Variants in TNNI1 observed in about 807,000 individuals in gnomAD.
The protein encoded by TNNI1 is troponin I, slow skeletal muscle.
TNNI1 carries 14 observed loss-of-function variants against 26.7 expected under a neutral mutation model. The ratio of observed to expected loss-of-function variants is 0.52; its 90% CI spans 0.35 to 0.82. The LOEUF (loss-of-function observed/expected upper bound fraction) is 0.82. Among genes scored for constraint, TNNI1 ranks in the 40% least tolerant of loss-of-function variants. The pLI is 0.01. For synonymous variants in TNNI1, 79 were observed against 98.2 expected, an observed-to-expected ratio of 0.80 and a Z score of 1.16; for missense variants, 164 against 257.0, an observed-to-expected ratio of 0.64 and a Z score of 2.47.
At chr1:201,418,821 G>T (rs950059070) in intron 1 of TNNI1, among the ~76,000 whole-genome samples, 2 of 152,064 alleles carry the variant, frequency 1.3e-5, no homozygotes, top group Admixed American at 1.3e-4. Context: ...AAATCAGTGA[G>T]TTTCCTCTTG....
chr1:201,413,517 G>T (rs996837110), intron 5 of TNNI1, among the ~76,000 whole-genome samples: 1 of 152,186 alleles, frequency 6.6e-6, no homozygotes, highest in African/African-American at 2.4e-5. Context: ...AGGCCAAGGT[G>T]GGGGATCACC....
intron 8 of TNNI1, 53 bp from the exon 9 acceptor site, chr1:201,409,303 C>T (rs1662590026): frequency 6.6e-6 from 1 of 152,266 alleles, no homozygotes; most frequent in Admixed American, 6.5e-5. Context: ...GTGTGCAGCG[C>T]ATGAATCCCT....
chr1:201,420,170 C>T (rs540274869), intron 1 of TNNI1, among the ~76,000 whole-genome samples: 76 of 152,320 alleles, frequency 5.0e-4, no homozygotes, highest in Admixed American at 1.6e-3. Flanking sequence ...CTTCCAAGGC[C>T]GGTTTACACC....
rs1662631246 is a variant in TNNI1 at position 201,411,305 on chromosome 1, G to A, written c.456+52C>T. ...CTGAGGCCATGTGAGGGGTTGACAA[G>A]GGGAAAGCTGGTAGGGCAGAGGGTG... On this transcript the variant is annotated intron_variant, in intron 7 of 8. Transcript: ENST00000361379. The surrounding 1 kb of genome is among the most constrained non-coding windows in gnomAD (Gnocchi z 4.6). The A allele has an allele frequency of 6.3e-7, 1 of 1,599,510 alleles. No individual in the cohort carries two copies. The highest frequency in any genetic ancestry group is 1.7e-5 in the Admixed American group (1 of 57,736).
rs934807234 is a variant in TNNI1, at chr1:201,404,058, C to T, written c.*5195G>A. 6.6e-6 allele frequency: 1 copy of T among 152,162 alleles called. No individual in the cohort carries two copies. The highest frequency in any genetic ancestry group is 2.4e-5 in the African/African-American group (1 of 41,412). 9.4% of individuals were successfully genotyped at this position (152,162 alleles called of 1,614,324 possible). ...GTTACTTCCTCCAGGGACATTCCAC[C>T]AGGCAGGGCTTAGCACAACTGGGAA... On this transcript the variant is annotated 3_prime_UTR_variant, in exon 9 of 9. Transcript: ENST00000361379.
chr1:201,409,991 A>T (rs1662601261), intron 8 of TNNI1: 1 of 194,734 alleles, frequency 5.1e-6, no homozygotes, highest in Non-Finnish European at 1.0e-5. Flanking sequence ...TTTCCAATTT[A>T]GTGGATCTGG....
At position 201,405,857 on chromosome 1, in the gene TNNI1, C is replaced by G. The variant is rs1298535509; in HGVS notation, c.*3396G>C. 1.3e-5 allele frequency: 2 copies of G among 152,450 alleles called. No homozygotes were observed. Among genetic ancestry groups the G allele is most frequent in the East Asian group, 3.8e-4 (2 of 5,198 alleles). The allele number at this position is 152,450 out of a possible 1,614,324, so 9.4% of individuals were successfully genotyped here. A position where few individuals can be genotyped will look rare whatever the true frequency, so the allele number is the denominator to read the frequency against. ...AAGCAGAGAGGAGCACCAGGCCCAT[C>G]TCCACCAGCTGCAGAGAGAGGGGGT... On this transcript the variant is annotated 3_prime_UTR_variant, in exon 9 of 9. Transcript: ENST00000361379.
rs893505523 is a variant in TNNI1 at position 201,404,869 on chromosome 1, C to G, written c.*4384G>C. ...CCCACGCATACACACCATGCTCACC[C>G]CTTCTGATGAACAGGCACAAGCGTT... On this transcript the variant is annotated 3_prime_UTR_variant, in exon 9 of 9. Transcript: ENST00000361379. 1 of 152,306 alleles carries G rather than the reference C, an allele frequency of 6.6e-6. No individual in the cohort carries two copies. Among genetic ancestry groups the G allele is most frequent in the Non-Finnish European group, 1.5e-5 (1 of 68,074 alleles). The allele number at this position is 152,306 out of a possible 1,614,324, so 9.4% of individuals were successfully genotyped here. A position where few individuals can be genotyped will look rare whatever the true frequency, so the allele number is the denominator to read the frequency against.
chr1:201,414,601 C>T lies in TNNI1; in HGVS notation c.106G>A (p.Glu36Lys), dbSNP rs1173154951. ...AKECWEQEHE[E>K]REAEKVRYLA... Reference sequence around the variant, plus strand: ...TAGCGCACCTTCTCAGCCTCGCGCTCCTCGTGCTCCTGCTCCCAGCATTCC... The same window carrying T: ...TAGCGCACCTTCTCAGCCTCGCGCTTCTCGTGCTCCTGCTCCCAGCATTCC... The change falls in exon 5 of 9, where the codon GAG (glutamate) becomes AAG (lysine). Residue 36 changes from glutamate to lysine, a missense_variant. By Grantham distance (56) the Glu-to-Lys change is moderately conservative (BLOSUM62 1). Transcript: ENST00000361379. The T allele has an allele frequency of 2.5e-6, 4 of 1,613,856 alleles. No homozygotes were observed. Among genetic ancestry groups the T allele is most frequent in the East Asian group, 2.2e-5 (1 of 44,890 alleles).
rs1313208069 is a variant in TNNI1 at position 201,417,115 on chromosome 1, C to T, written c.15+1G>A. 1.2e-6 allele frequency: 2 copies of T among 1,614,056 alleles called. No homozygotes were observed. The highest frequency in any genetic ancestry group is 1.7e-5 in the Admixed American group (1 of 60,020). On this transcript the variant is annotated splice_donor_variant, in intron 3 of 8. Transcript: ENST00000361379. LOFTEE classifies it high-confidence loss of function. ...ACAGAGATACCCCAAATATCACTTACCTCGCTTCAGGCATCCATCACAGGA... is the reference window on the plus strand; with the variant it reads ...ACAGAGATACCCCAAATATCACTTATCTCGCTTCAGGCATCCATCACAGGA...
In TNNI1 at chr1:201,405,269, G is replaced by A. The variant is rs1662493605; in HGVS notation, c.*3984C>T. On this transcript the variant is annotated 3_prime_UTR_variant, in exon 9 of 9. Coordinates refer to ENST00000361379, the MANE Select transcript of TNNI1 (RefSeq NM_003281.4). ...CGCAGTGCTCTGGGCCAGTGCTATG[G>A]GGTTTTCGAGGCTCACCCTGCTCAG... The A allele has an allele frequency of 6.5e-6, 1 of 152,718 alleles. No individual in the cohort carries two copies. Among genetic ancestry groups the A allele is most frequent in the South Asian group, 2.1e-4 (1 of 4,836 alleles). 9.5% of individuals were successfully genotyped at this position (152,718 alleles called of 1,614,324 possible).
At chr1:201,414,277 G>A (rs1662693667) in intron 5 of TNNI1, among the ~76,000 whole-genome samples, 1 of 152,174 alleles carries the variant, frequency 6.6e-6, no homozygotes, top group African/African-American at 2.4e-5. Flanking sequence ...AAGCTGGGCC[G>A]CCCAGCCCAG....
intron 1 of TNNI1, among the ~76,000 whole-genome samples, chr1:201,418,378 G>T (rs1662792584): frequency 6.7e-6 from 1 of 150,258 alleles, no homozygotes. Context: ...TGAGGCAGAA[G>T]AATTGCTTGA....
chr1:201,414,630 G>A lies in TNNI1; in HGVS notation c.77C>T (p.Ala26Val). 6.2e-7 allele frequency: 1 copy of A among 1,613,892 alleles called. No homozygotes were observed. The highest frequency in any genetic ancestry group is 8.5e-7 in the Non-Finnish European group (1 of 1,179,988). Reference protein sequence around the residue: ...LLLKSLMLAKAKECWEQEHEE... With the variant: ...LLLKSLMLAKVKECWEQEHEE... ...GTGCTCCTGCTCCCAGCATTCCTTG[G>A]CCTTGGCCAGCATCAGGCTCTGGAC... The change falls in exon 5 of 9, where the codon GCC (alanine) becomes GTC (valine). Residue 26 changes from alanine to valine, a missense_variant. Coordinates refer to ENST00000361379, the MANE Select transcript of TNNI1 (RefSeq NM_003281.4).
chr1:201,410,906 G>A (rs1662622081), intron 7 of TNNI1, among the ~76,000 whole-genome samples: 1 of 152,162 alleles, frequency 6.6e-6, no homozygotes, highest in African/African-American at 2.4e-5. Flanking sequence ...TCAATTTGGG[G>A]CACATATACT....
In TNNI1 at chr1:201,415,231, G is replaced by A. The variant is rs1662712941; in HGVS notation, c.39C>T (p.Ser13=). The change falls in exon 4 of 9, where the codon TCC becomes TCT. Residue 13 remains serine (S), a synonymous_variant. Coordinates refer to ENST00000361379, the MANE Select transcript of TNNI1 (RefSeq NM_003281.4). ...GCCTCACCTTCAGCAAGAGTTTGCGGGAGGCAGTGATCTTGGGTTTTCTCT... is the reference window on the plus strand; with the variant it reads ...GCCTCACCTTCAGCAAGAGTTTGCGAGAGGCAGTGATCTTGGGTTTTCTCT... ...EVERKPKITA[S]RKLLLKSLML... is the part of the protein sequence containing the mutation. The A allele has an allele frequency of 6.2e-7, 1 of 1,614,012 alleles. No individual in the cohort carries two copies. Among genetic ancestry groups the A allele is most frequent in the Non-Finnish European group, 8.5e-7 (1 of 1,180,032 alleles).
chr1:201,409,350 C>T (rs78386057), intron 8 of TNNI1, 100 bp from the exon 9 acceptor site: 3 of 152,372 alleles, frequency 2.0e-5, no homozygotes, highest in Non-Finnish European at 4.4e-5. Flanking sequence ...CAGGGCTTCT[C>T]AGCCCTAGCG....
At chr1:201,415,080 C>G in intron 4 of TNNI1, 133 bp downstream of exon 4, 1 of 823,614 alleles carries the variant, frequency 1.2e-6, no homozygotes, top group East Asian at 2.6e-5. Flanking sequence ...ATGCTGGACT[C>G]CTGCCCCTCA....
Position 201,405,783 on chromosome 1 carries a change from G to A in TNNI1, c.*3470C>T, listed in dbSNP as rs954624157. ...AACAGCTGGTCTCCCAAGGGCTCTG[G>A]GACAGGCAAGAGTGTAGCAGGTGGC... On this transcript the variant is annotated 3_prime_UTR_variant, in exon 9 of 9. Transcript: ENST00000361379. 2 of 152,346 alleles carry A rather than the reference G, an allele frequency of 1.3e-5. No individual in the cohort carries two copies. The highest frequency in any genetic ancestry group is 6.5e-5 in the Admixed American group (1 of 15,286). 9.4% of individuals were successfully genotyped at this position (152,346 alleles called of 1,614,324 possible). A position where few individuals can be genotyped will look rare whatever the true frequency, so the allele number is the denominator to read the frequency against.
Sources: allele counts gnomAD v4.1 joint callset (sites outside exome capture counted in the v4.1 genomes callset), GRCh38; gene constraint gnomAD v4.1.1; non-coding constraint Gnocchi (gnomAD v3.1); transcripts MANE v1.5; gene names NCBI Gene and HGNC (gene_info 2026-07-23, HGNC 2026-07-21).